ANK1: variants seen among roughly 807,000 people sequenced by gnomAD.
ANK1 encodes ankyrin-1.
ANK1 carries 51 observed loss-of-function variants against 210.4 expected under a neutral mutation model. That is an observed-to-expected ratio of 0.24 (90% CI 0.19 to 0.31). The LOEUF (loss-of-function observed/expected upper bound fraction) is 0.31, where lower values mean the gene tolerates loss of function less well. Ranked by LOEUF, ANK1 falls within the 10% of genes least tolerant of loss-of-function variation. ANK1 has a pLI of 1.00. For synonymous variants in ANK1, 967 were observed against 1,025.9 expected (o/e 0.94, Z 1.10); for missense variants, 2,051 against 2,504.4 (o/e 0.82, Z 3.86).
At position 41,684,602 on chromosome 8, in the gene ANK1, C is replaced by G. The variant is rs551303640; in HGVS notation, c.4479G>C (p.Leu1493Phe). 3 of 1,613,910 alleles carry G rather than the reference C, an allele frequency of 1.9e-6. No homozygotes were observed. The African/African-American group carries it at 4.0e-5, about 22-fold the overall frequency. Residue 1493 changes from leucine (L) to phenylalanine (F), a missense_variant, in exon 37 of 43, where the codon TTG becomes TTC. By Grantham distance (22) the Leu-to-Phe change is conservative. Around this residue, in one of 6 missense-constraint regions of ANK1, gnomAD observed 496 missense variants for 533.4 expected, o/e 0.93. Transcript: ENST00000289734. ...GGTCGGTGTGCCGCCTGTCTGGCTTCAAGTTGCGGCTCTGTCGGCCGGAAC... is the reference window on the plus strand; with the variant it reads ...GGTCGGTGTGCCGCCTGTCTGGCTTGAAGTTGCGGCTCTGTCGGCCGGAAC... ...LEGSGRQSRN[L>F]KPDRRHTDRD...
intron 1 of ANK1, among the ~76,000 whole-genome samples, chr8:41,770,018 G>C (rs1017042580): frequency 2.9e-5 from 2 of 69,000 alleles, no homozygotes; most frequent in Non-Finnish European, 5.1e-5. Context: ...TTTAGCTCTT[G>C]TTGCCCAGGC....
intron 13 of ANK1, among the ~76,000 whole-genome samples, chr8:41,716,161 A>G (rs1282916389): frequency 6.6e-6 from 1 of 152,186 alleles, no homozygotes; most frequent in Non-Finnish European, 1.5e-5. Flanking sequence ...GCTGGGATCA[A>G]GCTGATAATG....
chr8:41,715,951 A>G, intron 13 of ANK1, 102 bp from the exon 14 acceptor site: 2 of 1,391,346 alleles, frequency 1.4e-6, no homozygotes. Context: ...AGGGCAAGTG[A>G]CCTTCTCAAG....
chr8:41,896,214 C>G, intron 1 of ANK1: 1 of 1,249,308 alleles, frequency 8.0e-7, no homozygotes, highest in South Asian at 1.8e-5. Context: ...CTACGCCCAC[C>G]GAGCCTTCCC....
At chr8:41,875,378 G>A (rs1179145841) in intron 1 of ANK1, among the ~76,000 whole-genome samples, 2 of 152,206 alleles carry the variant, frequency 1.3e-5, no homozygotes, top group African/African-American at 2.4e-5. Flanking sequence ...GGATGGAGGC[G>A]GGTATACCCA....
chr8:41,846,313 T>C (rs1214648314), intron 1 of ANK1, among the ~76,000 whole-genome samples: 1 of 152,248 alleles, frequency 6.6e-6, no homozygotes, highest in African/African-American at 2.4e-5. Context: ...TGCTGGCAAC[T>C]AGCTGAATGG....
At chr8:41,757,630 T>C (rs1012752297) in intron 2 of ANK1, among the ~76,000 whole-genome samples, 1 of 152,194 alleles carries the variant, frequency 6.6e-6, no homozygotes, top group Non-Finnish European at 1.5e-5. Flanking sequence ...GTTCCTCGAC[T>C]TTCTTCTCAG....
At chr8:41,746,019 G>A (rs1836022930) in intron 2 of ANK1, among the ~76,000 whole-genome samples, 1 of 152,216 alleles carries the variant, frequency 6.6e-6, no homozygotes, top group Non-Finnish European at 1.5e-5. Context: ...TAAAGGAACT[G>A]TGAGGCACGA....
At chr8:41,849,010 A>T (rs1211205456) in intron 1 of ANK1, among the ~76,000 whole-genome samples, 2 of 152,208 alleles carry the variant, frequency 1.3e-5, no homozygotes, top group African/African-American at 4.8e-5. Flanking sequence ...TATTGATTGA[A>T]GTTTCCACCC....
At chr8:41,887,609 A>G (rs12547906) in intron 1 of ANK1, among the ~76,000 whole-genome samples, 11,079 of 152,218 alleles carry the variant, frequency 0.073, 563 homozygotes, top group East Asian at 0.22. Context: ...AGAAAATTCA[A>G]TCACCCGGAA....
chr8:41,890,452 T>C (rs1304188649), intron 1 of ANK1, among the ~76,000 whole-genome samples: 2 of 152,198 alleles, frequency 1.3e-5, no homozygotes. Context: ...CTCAAGCCTG[T>C]AATCCCAGCA....
chr8:41,701,685 C>T lies in ANK1; in HGVS notation c.2389-63G>A, dbSNP rs970454163. The stretch of plus-strand genomic sequence containing the variant: ...GAGCCGCACACATTTTTTACCAGCC[C>T]AGCGGTTCCCTGGTCATGCCTGTGG... On this transcript the variant is annotated intron_variant, in intron 21 of 42. Transcript: ENST00000289734. 2.6e-6 allele frequency: 4 copies of T among 1,522,338 alleles called. No homozygotes were observed. The African/African-American group carries it at 5.5e-5, about 21-fold the overall frequency. 94.3% of individuals were successfully genotyped at this position (1,522,338 alleles called of 1,614,324 possible).
chr8:41,793,378 TCAAA>T (rs1408777850), intron 1 of ANK1, among the ~76,000 whole-genome samples: 2 of 151,900 alleles, frequency 1.3e-5, no homozygotes. Flanking sequence ...AGACCCTGTC[TCAAA>T]CAAACAAACA....
chr8:41,883,631 T>A (rs1041933109), intron 1 of ANK1, among the ~76,000 whole-genome samples: 2 of 152,130 alleles, frequency 1.3e-5, no homozygotes, highest in African/African-American at 4.8e-5. Context: ...GGCTAATTTT[T>A]AAATTTTTTG....
At chr8:41,759,301 A>G (rs1041427978) in intron 1 of ANK1, among the ~76,000 whole-genome samples, 2 of 152,172 alleles carry the variant, frequency 1.3e-5, no homozygotes, top group Non-Finnish European at 2.9e-5. Flanking sequence ...AGGTCAAGAG[A>G]CAGAGACAAT....
intron 15 of ANK1, 98 bp from the exon 16 acceptor site, chr8:41,714,352 A>G: frequency 1.1e-6 from 1 of 926,266 alleles, no homozygotes; most frequent in South Asian, 2.7e-5. Flanking sequence ...ATACAGTAAA[A>G]TCCTGTTTAA....
intron 1 of ANK1, among the ~76,000 whole-genome samples, chr8:41,875,194 A>C (rs909419156): frequency 6.6e-6 from 1 of 152,128 alleles, no homozygotes; most frequent in African/African-American, 2.4e-5. Context: ...GGTCACCCAG[A>C]TGCGGGGGCT....
chr8:41,763,882 T>TTTTTTG (rs1563703042), intron 1 of ANK1, among the ~76,000 whole-genome samples: 5 of 104,856 alleles, frequency 4.8e-5, no homozygotes, highest in Admixed American at 2.4e-4. Flanking sequence ...TCTTTTTTTC[T>TTTTTTG]TTTTTTCTTT....
upstream of ANK1, among the ~76,000 whole-genome samples, chr8:41,802,598 G>A (rs764361572): frequency 5.3e-5 from 8 of 152,162 alleles, no homozygotes; most frequent in East Asian, 1.9e-4. Flanking sequence ...AATATTGTCC[G>A]CAATAAGTCT....
Sources: allele counts gnomAD v4.1 joint callset (sites outside exome capture counted in the v4.1 genomes callset), GRCh38; gene constraint gnomAD v4.1.1; regional missense constraint gnomAD v4.1.1; transcripts MANE v1.5; gene names NCBI Gene and HGNC (gene_info 2026-07-23, HGNC 2026-07-21).